The following GLCE variants were observed in gnomAD, a reference collection of about 807,000 sequenced individuals.
GLCE encodes the protein D-glucuronyl C5-epimerase.
GLCE carries 19 observed loss-of-function variants against 47.9 expected under a neutral mutation model. That is an observed-to-expected ratio of 0.40 (90% CI 0.28 to 0.58). The LOEUF (loss-of-function observed/expected upper bound fraction) is 0.58, where lower values mean the gene tolerates loss of function less well. GLCE is among the 20% of genes least tolerant of loss of function. The pLI, the probability that GLCE is intolerant of heterozygous loss-of-function variation, is 0.48. For missense variants in GLCE, 556 were observed against 743.3 expected (o/e 0.75, Z 2.93); for synonymous variants, 245 against 263.4 (o/e 0.93, Z 0.68).
At chr15:69,182,848 T>C (rs2051769982) in intron 1 of GLCE, among the ~76,000 whole-genome samples, 1 of 151,916 alleles carries the variant, frequency 6.6e-6, no homozygotes, top group African/African-American at 2.4e-5. Flanking sequence ...ACCCCGTCTC[T>C]ACAAAAAAAT....
At chr15:69,223,402 A>C (rs1472893795) in intron 2 of GLCE, among the ~76,000 whole-genome samples, 2 of 152,148 alleles carry the variant, frequency 1.3e-5, no homozygotes, top group African/African-American at 4.8e-5. Context: ...ATGTCAACCC[A>C]CTGCCTCTGG....
intron 2 of GLCE, among the ~76,000 whole-genome samples, chr15:69,255,443 C>T (rs1180909915): frequency 6.6e-6 from 1 of 152,082 alleles, no homozygotes; most frequent in Non-Finnish European, 1.5e-5. Context: ...AAATCCAAAA[C>T]CCTTCTGGTC....
intron 3 of GLCE, among the ~76,000 whole-genome samples, chr15:69,260,267 T>G (rs1430771207): frequency 1.4e-5 from 2 of 144,862 alleles, no homozygotes; most frequent in African/African-American, 2.6e-5. Flanking sequence ...TTTTTTTTTT[T>G]TTTTTTTTTT....
chr15:69,271,469 A>T lies in GLCE; in HGVS notation c.*2225A>T, dbSNP rs1427702762. 6.6e-6 allele frequency: 1 copy of T among 152,666 alleles called. No homozygotes were observed. Among genetic ancestry groups the T allele is most frequent in the Non-Finnish European group, 1.5e-5 (1 of 68,054 alleles). The allele number at this position is 152,666 out of a possible 1,614,324, so 9.5% of individuals were successfully genotyped here. ...ATTCTGATGCAGGTGAGCTGGGGGC[A>T]TACAGGGAGGAACACTGCCCTGGAC... is the stretch of plus-strand genomic sequence containing the variant. On this transcript the variant is annotated 3_prime_UTR_variant, in exon 5 of 5. Transcript: ENST00000261858.
intron 1 of GLCE, among the ~76,000 whole-genome samples, chr15:69,192,194 C>T (rs747257400): frequency 1.4e-4 from 22 of 151,762 alleles, no homozygotes; most frequent in Non-Finnish European, 2.4e-4. Context: ...ATGTTGATTG[C>T]CGACATTGCT....
Position 69,161,426 on chromosome 15 carries a change from A to T in GLCE, c.-105+669A>T, listed in dbSNP as rs376082995. Among the ~76,000 whole-genome samples the T allele has an allele frequency of 7.3e-5, 11 of 151,716 alleles. No homozygotes were observed. In the East Asian group the frequency reaches 1.4e-3, roughly 19 times the overall value. ...GGGCTGAGGGTGTGTAGCGGCGACC[A>T]GCGTCTGGCCGGGGTTTCTGCTTTG... On this transcript the variant is annotated intron_variant, in intron 1 of 4. Transcript: ENST00000261858.
intron 2 of GLCE, among the ~76,000 whole-genome samples, chr15:69,222,876 ACTTT>A (rs1474543478): frequency 2.0e-5 from 3 of 152,148 alleles, no homozygotes; most frequent in African/African-American, 7.2e-5. Flanking sequence ...TTCTATAGCT[ACTTT>A]CTTTGTGGTT....
intron 1 of GLCE, among the ~76,000 whole-genome samples, chr15:69,174,902 C>T (rs2051640236): frequency 6.6e-6 from 1 of 152,038 alleles, no homozygotes; most frequent in Non-Finnish European, 1.5e-5. Context: ...ATTTTTCTTT[C>T]TTTTCTAACA....
intron 1 of GLCE, among the ~76,000 whole-genome samples, chr15:69,185,041 G>A (rs7176782): frequency 0.49 from 74,498 of 152,080 alleles, 21,458 homozygotes; most frequent in Admixed American, 0.63. Flanking sequence ...GAGTTGTGGC[G>A]TGGATATTGG....
At chr15:69,180,556 T>C (rs2051735847) in intron 1 of GLCE, among the ~76,000 whole-genome samples, 1 of 152,106 alleles carries the variant, frequency 6.6e-6, no homozygotes, top group South Asian at 2.1e-4. Context: ...AGACAGTCAG[T>C]GAAGGAGATA....
chr15:69,200,657 C>G (rs142170233), intron 1 of GLCE, among the ~76,000 whole-genome samples: 9 of 152,104 alleles, frequency 5.9e-5, no homozygotes, highest in Non-Finnish European at 1.2e-4. Context: ...TTTTATTGAA[C>G]CAGTATCAGG....
At chr15:69,190,923 CT>C (rs1170316789) in intron 1 of GLCE, among the ~76,000 whole-genome samples, 2 of 152,028 alleles carry the variant, frequency 1.3e-5, no homozygotes, top group Non-Finnish European at 2.9e-5. Flanking sequence ...GTCTTAGGAA[CT>C]TTGCCTCTTT....
intron 1 of GLCE, among the ~76,000 whole-genome samples, chr15:69,166,409 G>C (rs1231307972): frequency 1.3e-5 from 2 of 152,150 alleles, no homozygotes; most frequent in Non-Finnish European, 2.9e-5. Context: ...AATTGAAGAA[G>C]TAGGTTGTAA....
At chr15:69,240,791 A>G (rs7163662) in intron 2 of GLCE, among the ~76,000 whole-genome samples, 5,464 of 152,256 alleles carry the variant, frequency 0.036, 354 homozygotes, top group African/African-American at 0.12. Context: ...GAAGAGATGA[A>G]AAAAGAAAAT....
At chr15:69,180,084 G>A (rs2051730207) in intron 1 of GLCE, among the ~76,000 whole-genome samples, 1 of 152,176 alleles carries the variant, frequency 6.6e-6, no homozygotes, top group African/African-American at 2.4e-5. Context: ...AATCTTCATG[G>A]AAATAATTAG....
intron 1 of GLCE, among the ~76,000 whole-genome samples, chr15:69,173,670 G>A (rs576425362): frequency 3.1e-4 from 47 of 152,174 alleles, no homozygotes; most frequent in African/African-American, 1.1e-3. Context: ...GATCCTTTAA[G>A]GACTTTTCCA....
intron 2 of GLCE, among the ~76,000 whole-genome samples, chr15:69,245,553 ATAGAATGAGTCT>A (rs1460062758): frequency 6.6e-6 from 1 of 152,158 alleles, no homozygotes; most frequent in East Asian, 1.9e-4. Flanking sequence ...AGTTTGCCAC[ATAGAATGAGTCT>A]TCCTTTCATG....
At chr15:69,162,194 C>A (rs1234350236) in intron 1 of GLCE, among the ~76,000 whole-genome samples, 1 of 152,068 alleles carries the variant, frequency 6.6e-6, no homozygotes, top group Non-Finnish European at 1.5e-5. Context: ...TTAGAGAATT[C>A]TGCTTAACAG....
intron 1 of GLCE, among the ~76,000 whole-genome samples, chr15:69,209,967 G>C (rs1420991709): frequency 6.6e-6 from 1 of 151,888 alleles, no homozygotes; most frequent in African/African-American, 2.4e-5. Flanking sequence ...AGTGAAGAGA[G>C]AAAAAAACGG....
Sources: gnomAD v4.1 joint callset for allele counts (sites outside exome capture counted in the v4.1 genomes callset) on GRCh38, gnomAD v4.1.1 for gene constraint, MANE v1.5 for transcripts, NCBI Gene and HGNC (gene_info 2026-07-23, HGNC 2026-07-21) for gene names.